NFIB: variants seen among roughly 807,000 people sequenced by gnomAD.
NFIB encodes nuclear factor I B.
NFIB carries 11 observed loss-of-function variants against 61.5 expected under a neutral mutation model. That is an observed-to-expected ratio of 0.18 (90% CI 0.11 to 0.30). The LOEUF (loss-of-function observed/expected upper bound fraction) is 0.30. Ranked by LOEUF, NFIB falls within the 10% of genes least tolerant of loss-of-function variation. The pLI is 1.00. For synonymous variants in NFIB, 260 were observed against 216.5 expected (o/e 1.20, Z -1.76); for missense variants, 471 against 608.9 (o/e 0.77, Z 2.38).
chr9:14,394,863 G>T (rs991279397), intron 1 of NFIB, among the ~76,000 whole-genome samples: 4 of 152,120 alleles, frequency 2.6e-5, no homozygotes, highest in Admixed American at 2.6e-4. Flanking sequence ...TTGTTTAAAA[G>T]TTCCTGACAC....
chr9:14,400,802 G>T (rs1440938216), upstream of NFIB, among the ~76,000 whole-genome samples: 1 of 152,166 alleles, frequency 6.6e-6, no homozygotes, highest in Non-Finnish European at 1.5e-5. Flanking sequence ...CTTGCTAATG[G>T]GATGTACCCA....
chr9:14,383,382 A>G (rs1245744567), intron 1 of NFIB, among the ~76,000 whole-genome samples: 1 of 152,166 alleles, frequency 6.6e-6, no homozygotes, highest in Non-Finnish European at 1.5e-5. Flanking sequence ...CCTGGGTTGA[A>G]AGGAAGGAGG....
upstream of NFIB, among the ~76,000 whole-genome samples, chr9:14,316,351 G>A (rs2060540072): frequency 6.6e-6 from 1 of 152,216 alleles, no homozygotes; most frequent in Non-Finnish European, 1.5e-5. Flanking sequence ...GCTGGGGGGT[G>A]GGGAGTTCGG....
At chr9:14,460,025 C>T in the NFIB span, among the ~76,000 whole-genome samples, 1 of 152,164 alleles carries the variant, frequency 6.6e-6, no homozygotes, top group Admixed American at 6.5e-5. Context: ...TGAGTATATA[C>T]CCAAAGGAGT....
chr9:14,378,963 C>G (rs2061452322), intron 1 of NFIB, among the ~76,000 whole-genome samples: 2 of 152,166 alleles, frequency 1.3e-5, no homozygotes, highest in South Asian at 4.2e-4. Context: ...TGGAAGCCTC[C>G]CACAATTAAC....
the NFIB span, among the ~76,000 whole-genome samples, chr9:14,462,281 T>G: frequency 5.9e-5 from 9 of 152,036 alleles, no homozygotes; most frequent in Non-Finnish European, 1.0e-4. Context: ...TTTTTCTTTT[T>G]TTCTTTTTTC....
At chr9:14,398,789 T>G (rs2061713703) in exon 1 of NFIB, 1 of 564,344 alleles carries the variant, frequency 1.8e-6, no homozygotes, top group South Asian at 2.3e-5. Context: ...GACTGATGGA[T>G]CTTTATGGAG....
chr9:14,487,683 C>T, the NFIB span, among the ~76,000 whole-genome samples: 1 of 152,210 alleles, frequency 6.6e-6, no homozygotes, highest in African/African-American at 2.4e-5. Flanking sequence ...TAGATTTCTT[C>T]CTTCCTTCTT....
chr9:14,151,112 GTAA>G (rs1436379356), intron 4 of NFIB, among the ~76,000 whole-genome samples: 1 of 152,104 alleles, frequency 6.6e-6, no homozygotes, highest in Non-Finnish European at 1.5e-5. Flanking sequence ...TAAAATGGGA[GTAA>G]TAATAACCGG....
intron 6 of NFIB, among the ~76,000 whole-genome samples, chr9:14,146,284 G>A (rs187175933): frequency 3.9e-5 from 6 of 152,124 alleles, no homozygotes; most frequent in Non-Finnish European, 7.4e-5. Flanking sequence ...TCCTTTAAAT[G>A]ACAACTTTCA....
At chr9:14,246,924 G>C (rs982406061) in intron 2 of NFIB, among the ~76,000 whole-genome samples, 2 of 152,140 alleles carry the variant, frequency 1.3e-5, no homozygotes, top group Non-Finnish European at 2.9e-5. Flanking sequence ...CTGTTAAAAC[G>C]GGTTTAGTAT....
At chr9:14,282,651 C>A (rs1216574485) in intron 2 of NFIB, among the ~76,000 whole-genome samples, 1 of 152,128 alleles carries the variant, frequency 6.6e-6, no homozygotes, top group Non-Finnish European at 1.5e-5. Context: ...CTTATTTGGT[C>A]TTCTTAACAA....
At chr9:14,198,122 A>C (rs1195986481) in intron 2 of NFIB, among the ~76,000 whole-genome samples, 2 of 152,150 alleles carry the variant, frequency 1.3e-5, no homozygotes, top group African/African-American at 4.8e-5. Flanking sequence ...ATATTCCTCA[A>C]ATGGAATTTT....
At chr9:14,528,658 G>C in the NFIB span, among the ~76,000 whole-genome samples, 18 of 152,110 alleles carry the variant, frequency 1.2e-4, no homozygotes, top group African/African-American at 3.6e-4. Context: ...TTAGATTTAT[G>C]AAAGTTGGAG....
chr9:14,161,175 C>T (rs1210842433), intron 3 of NFIB, among the ~76,000 whole-genome samples: 1 of 152,152 alleles, frequency 6.6e-6, no homozygotes, highest in African/African-American at 2.4e-5. Context: ...GGACATAGTT[C>T]TATCTTCAGT....
At position 14,084,475 on chromosome 9, in the gene NFIB, T is replaced by C. The variant is rs2032525432; in HGVS notation, c.*3834A>G. The C allele has an allele frequency of 4.4e-6, 1 of 225,062 alleles. No individual in the cohort carries two copies. The highest frequency in any genetic ancestry group is 2.2e-5 in the African/African-American group (1 of 44,876). The allele number at this position is 225,062 out of a possible 1,614,324, so 13.9% of individuals were successfully genotyped here. A position where few individuals can be genotyped will look rare whatever the true frequency, so the allele number is the denominator to read the frequency against. On this transcript the variant is annotated 3_prime_UTR_variant, in exon 11 of 11. Coordinates refer to ENST00000380953, the MANE Select transcript of NFIB (RefSeq NM_001190737.2). Reference sequence around the variant, plus strand: ...GATAACTATATTGCTATAATTAAGATTTTTGCCATGTCTTTATGTACAGTC... The same window carrying C: ...GATAACTATATTGCTATAATTAAGACTTTTGCCATGTCTTTATGTACAGTC...
chr9:14,508,230 T>G, the NFIB span, among the ~76,000 whole-genome samples: 1 of 152,026 alleles, frequency 6.6e-6, no homozygotes, highest in African/African-American at 2.4e-5. Flanking sequence ...TATGTGTTTG[T>G]GTATGTGTGT....
intron 3 of NFIB, among the ~76,000 whole-genome samples, chr9:14,175,871 G>C (rs1437427895): frequency 2.6e-5 from 4 of 152,132 alleles, no homozygotes; most frequent in Non-Finnish European, 5.9e-5. Context: ...AAAACTACCA[G>C]CCTTCCTGAA....
chr9:14,201,746 C>G (rs2049056567), intron 2 of NFIB, among the ~76,000 whole-genome samples: 1 of 151,702 alleles, frequency 6.6e-6, no homozygotes, highest in East Asian at 1.9e-4. Flanking sequence ...ATGTACTATC[C>G]ATGAAGAAAC....
Sources: allele counts gnomAD v4.1 joint callset (sites outside exome capture counted in the v4.1 genomes callset), GRCh38; gene constraint gnomAD v4.1.1; transcripts MANE v1.5; gene names NCBI Gene and HGNC (gene_info 2026-07-23, HGNC 2026-07-21).